The following CNTNAP2 variants were observed in gnomAD, a reference collection of about 807,000 sequenced individuals.
The protein encoded by CNTNAP2 is contactin-associated protein-like 2.
Under a neutral mutation model 155.2 loss-of-function variants are expected in CNTNAP2, and 98 were observed. That is an observed-to-expected ratio of 0.63 (90% CI 0.54 to 0.75). The LOEUF is 0.75. Among genes scored for constraint, CNTNAP2 ranks in the 30% least tolerant of loss-of-function variants. The probability of loss-of-function intolerance (pLI) is 0.00; values close to 1 mark genes in which losing one functional copy is unlikely to be tolerated. For missense variants in CNTNAP2, 1,727 were observed against 1,688.1 expected, an observed-to-expected ratio of 1.02 and a Z score of -0.40; for synonymous variants, 651 against 631.2, an observed-to-expected ratio of 1.03 and a Z score of -0.47.
At position 146,567,924 on chromosome 7, in the gene CNTNAP2, G is replaced by A. The variant is rs1798383764; in HGVS notation, c.98-206347G>A. On this transcript the variant is annotated intron_variant, in intron 1 of 23. Coordinates refer to ENST00000361727, the MANE Select transcript of CNTNAP2 (RefSeq NM_014141.6). ...TTTAGTAGAGACGGGGTTTCACTGTGTTAGCCAGGATGGTGTCTCGAAAAA... is the reference window on the plus strand; with the variant it reads ...TTTAGTAGAGACGGGGTTTCACTGTATTAGCCAGGATGGTGTCTCGAAAAA... Among the ~76,000 whole-genome samples, 9 of 152,256 alleles carry A rather than the reference G, an allele frequency of 5.9e-5. No homozygotes were observed. In the South Asian group the frequency reaches 1.9e-3, roughly 32 times the overall value.
At chr7:147,364,816 T>A (rs1796198679) in intron 9 of CNTNAP2, among the ~76,000 whole-genome samples, 1 of 150,526 alleles carries the variant, frequency 6.6e-6, no homozygotes, top group Non-Finnish European at 1.5e-5. Context: ...GCCACTGCAC[T>A]CCAGCCTGGG....
At chr7:146,117,299 G>A in intron 1 of CNTNAP2, 1 of 299,454 alleles carries the variant, frequency 3.3e-6, no homozygotes, top group Non-Finnish European at 6.4e-6. Context: ...ACTGCATTTG[G>A]CTTAGGTAGG....
At chr7:147,419,730 A>G (rs1387666761) in intron 10 of CNTNAP2, among the ~76,000 whole-genome samples, 4 of 152,166 alleles carry the variant, frequency 2.6e-5, no homozygotes, top group African/African-American at 9.7e-5. Context: ...TTGGCTTAGT[A>G]TATTACCAAC....
intron 8 of CNTNAP2, among the ~76,000 whole-genome samples, chr7:147,283,598 T>C (rs1253148830): frequency 6.6e-6 from 1 of 151,974 alleles, no homozygotes; most frequent in Non-Finnish European, 1.5e-5. Flanking sequence ...ATTTGTATCA[T>C]AGAAGTTTAA....
intron 21 of CNTNAP2, among the ~76,000 whole-genome samples, chr7:148,343,066 G>T (rs576089124): frequency 6.6e-6 from 1 of 152,348 alleles, no homozygotes; most frequent in Non-Finnish European, 1.5e-5. Flanking sequence ...CTCCCTGCTT[G>T]AGAACCTGTA....
chr7:147,448,038 C>T (rs1181403907), intron 10 of CNTNAP2, among the ~76,000 whole-genome samples: 1 of 152,032 alleles, frequency 6.6e-6, no homozygotes, highest in African/African-American at 2.4e-5. Flanking sequence ...AAGAAGGTAA[C>T]AATTTATAAT....
intron 1 of CNTNAP2, among the ~76,000 whole-genome samples, chr7:146,351,000 AGGGGAGCATCACACTCT>A (rs1254855198): frequency 8.3e-6 from 1 of 120,088 alleles, no homozygotes; most frequent in African/African-American, 3.2e-5. Context: ...GAACACAGGA[AGGGGAGCATCACACTCT>A]GGGGCTTGTT....
intron 4 of CNTNAP2, among the ~76,000 whole-genome samples, chr7:147,078,557 C>T (rs1276730812): frequency 6.6e-6 from 1 of 152,046 alleles, no homozygotes; most frequent in African/African-American, 2.4e-5. Context: ...TATTCTTTAT[C>T]TCTTAACAGA....
At chr7:147,103,424 G>A (rs1226400517) in intron 4 of CNTNAP2, among the ~76,000 whole-genome samples, 1 of 151,998 alleles carries the variant, frequency 6.6e-6, no homozygotes, top group Non-Finnish European at 1.5e-5. Flanking sequence ...TGCAAAATAA[G>A]CAAATTCTAT....
At chr7:148,233,931 T>C (rs562127453) in intron 20 of CNTNAP2, among the ~76,000 whole-genome samples, 1 of 152,202 alleles carries the variant, frequency 6.6e-6, no homozygotes, top group African/African-American at 2.4e-5. Flanking sequence ...GTGTAGCACC[T>C]CCTGCTTTGC....
intron 21 of CNTNAP2, among the ~76,000 whole-genome samples, chr7:148,336,603 TAAC>T (rs1032116443): frequency 1.3e-5 from 2 of 151,392 alleles, no homozygotes; most frequent in Non-Finnish European, 2.9e-5. Flanking sequence ...GTAGTCATTT[TAAC>T]AACTGGCGGA....
chr7:147,028,405 G>T (rs1223892660), intron 3 of CNTNAP2, among the ~76,000 whole-genome samples: 1 of 152,166 alleles, frequency 6.6e-6, no homozygotes, highest in Admixed American at 6.5e-5. Context: ...ACATTTGGTG[G>T]AGTTTGTTTT....
intron 3 of CNTNAP2, among the ~76,000 whole-genome samples, chr7:146,947,894 A>G (rs1310942871): frequency 1.3e-5 from 2 of 152,078 alleles, no homozygotes; most frequent in African/African-American, 4.8e-5. Context: ...TGACAAAGGC[A>G]GAATTTGTTT....
intron 13 of CNTNAP2, among the ~76,000 whole-genome samples, chr7:147,736,238 A>G (rs112437593): frequency 0.19 from 28,503 of 150,888 alleles, 3,122 homozygotes; most frequent in Middle Eastern, 0.37. Context: ...ATCTCTCAGC[A>G]TTTGCTTGTC....
At chr7:146,433,614 A>G (rs1796201915) in intron 1 of CNTNAP2, among the ~76,000 whole-genome samples, 1 of 152,096 alleles carries the variant, frequency 6.6e-6, no homozygotes, top group Admixed American at 6.6e-5. Context: ...ATAGTGGAGG[A>G]ATGTGGAAGA....
chr7:146,534,269 G>T (rs1486535043), intron 1 of CNTNAP2, among the ~76,000 whole-genome samples: 1 of 152,030 alleles, frequency 6.6e-6, no homozygotes, highest in Admixed American at 6.6e-5. Context: ...CGTATTCTGG[G>T]TTAATTTTCT....
intron 18 of CNTNAP2, among the ~76,000 whole-genome samples, chr7:148,206,111 A>G (rs1795445250): frequency 6.6e-6 from 1 of 151,240 alleles, no homozygotes; most frequent in Non-Finnish European, 1.5e-5. Context: ...GTTCATATAT[A>G]TATTTTTTTA....
At chr7:146,920,468 A>C (rs905545498) in intron 3 of CNTNAP2, among the ~76,000 whole-genome samples, 1 of 152,250 alleles carries the variant, frequency 6.6e-6, no homozygotes, top group Middle Eastern at 3.4e-3. Flanking sequence ...ACCTTGATCT[A>C]ATCATGCCAT....
intron 13 of CNTNAP2, among the ~76,000 whole-genome samples, chr7:147,830,259 T>A (rs1461975481): frequency 6.6e-6 from 1 of 151,534 alleles, no homozygotes; most frequent in African/African-American, 2.4e-5. Flanking sequence ...CCTGCCAAGG[T>A]ATTGGTGGAT....
Sources: gnomAD v4.1 joint callset for allele counts (sites outside exome capture counted in the v4.1 genomes callset) on GRCh38, gnomAD v4.1.1 for gene constraint, MANE v1.5 for transcripts, NCBI Gene and HGNC (gene_info 2026-07-23, HGNC 2026-07-21) for gene names.